Variants in ANTXR1 observed in about 807,000 individuals in gnomAD.
ANTXR1 encodes the protein anthrax toxin receptor 1.
A neutral mutation model predicts 78.1 loss-of-function variants in ANTXR1; 19 were observed. The observed-to-expected ratio is 0.24, with a 90% CI of 0.17 to 0.36. The LOEUF is 0.36. Ranked by LOEUF, ANTXR1 falls within the 10% of genes least tolerant of loss-of-function variation. The pLI, the probability that ANTXR1 is intolerant of heterozygous loss-of-function variation, is 1.00. For missense variants in ANTXR1, 518 were observed against 718.6 expected, an observed-to-expected ratio of 0.72 and a Z score of 3.19; for synonymous variants, 273 against 260.5, an observed-to-expected ratio of 1.05 and a Z score of -0.46.
intron 1 of ANTXR1, among the ~76,000 whole-genome samples, chr2:69,015,675 T>C (rs1348157916): frequency 3.3e-5 from 5 of 152,134 alleles, no homozygotes; most frequent in African/African-American, 4.8e-5. Flanking sequence ...AATATTACTG[T>C]AATCTTAGGT....
rs1669379974 is a variant in ANTXR1 at position 69,035,779 on chromosome 2, T to C, written c.153-4265T>C. On this transcript the variant is annotated intron_variant, in intron 1 of 17. Transcript: ENST00000303714. ...TGCCTTTTTGCCTCCAGTTTTGTTT[T>C]AAAGCTCTCATTTTATTTTCTTCTT... Among the ~76,000 whole-genome samples, 3 of 152,246 alleles carry C rather than the reference T, an allele frequency of 2.0e-5. No homozygotes were observed. The South Asian group carries it at 6.2e-4, about 31-fold the overall frequency.
intron 13 of ANTXR1, among the ~76,000 whole-genome samples, chr2:69,164,671 G>A (rs1673780204): frequency 6.6e-6 from 1 of 152,180 alleles, no homozygotes; most frequent in Non-Finnish European, 1.5e-5. Context: ...ATTGTTTCAG[G>A]GCTGGATCTA....
At chr2:69,171,807 C>T (rs1673993659) in intron 14 of ANTXR1, among the ~76,000 whole-genome samples, 2 of 152,152 alleles carry the variant, frequency 1.3e-5, no homozygotes, top group South Asian at 4.2e-4. Flanking sequence ...GTAAAAAAGC[C>T]CAAACTAGAA....
chr2:69,110,496 G>A (rs569363518), intron 10 of ANTXR1, among the ~76,000 whole-genome samples: 2 of 152,200 alleles, frequency 1.3e-5, no homozygotes, highest in African/African-American at 4.8e-5. Flanking sequence ...AAACAATGTT[G>A]TAGAAGAATA....
At chr2:69,071,700 T>G in intron 4 of ANTXR1, 54 bp from the exon 5 acceptor site, 2 of 1,584,804 alleles carry the variant, frequency 1.3e-6, no homozygotes, top group Non-Finnish European at 1.7e-6. Flanking sequence ...ACTATGGTTT[T>G]TGGAGTGACA....
At position 69,075,697 on chromosome 2, in the gene ANTXR1, G is replaced by A. The variant is rs189708705; in HGVS notation, c.561+39G>A. 2,654 of 1,573,220 alleles carry A rather than the reference G, an allele frequency of 1.7e-3. 5 individuals carry two copies. The highest frequency in any genetic ancestry group is 1.9e-3 in the South Asian group (169 of 90,292). On this transcript the variant is annotated intron_variant, in intron 7 of 17. Coordinates refer to ENST00000303714, the MANE Select transcript of ANTXR1 (RefSeq NM_032208.3). Reference sequence around the variant, plus strand: ...TTTCCTCAGGTTTGGAGCATACTGAGCTTGTGAATCATGAAGAACATGTTC... The same window carrying A: ...TTTCCTCAGGTTTGGAGCATACTGAACTTGTGAATCATGAAGAACATGTTC...
chr2:69,079,173 G>T (rs1477275338), intron 8 of ANTXR1, among the ~76,000 whole-genome samples: 1 of 152,122 alleles, frequency 6.6e-6, no homozygotes, highest in East Asian at 1.9e-4. Flanking sequence ...ATAGCATAGA[G>T]AATTATCAGA....
At chr2:69,124,783 C>T (rs1175762220) in intron 12 of ANTXR1, 140 bp downstream of exon 12, 2 of 838,054 alleles carry the variant, frequency 2.4e-6, no homozygotes, top group Admixed American at 2.0e-5. Context: ...GATCCCAGCA[C>T]TGCTCCACCA....
At chr2:69,147,974 A>G (rs1409759819) in intron 12 of ANTXR1, among the ~76,000 whole-genome samples, 1 of 152,238 alleles carries the variant, frequency 6.6e-6, no homozygotes, top group Non-Finnish European at 1.5e-5. Context: ...CAGGCGTTTC[A>G]AGAGTGACCT....
intron 10 of ANTXR1, among the ~76,000 whole-genome samples, chr2:69,109,518 T>G (rs1418444564): frequency 6.6e-6 from 1 of 152,238 alleles, no homozygotes; most frequent in African/African-American, 2.4e-5. Flanking sequence ...GAACTGAGCT[T>G]TGGAACAAAG....
intron 16 of ANTXR1, 71 bp from the exon 17 acceptor site, chr2:69,193,264 T>C: frequency 7.4e-7 from 1 of 1,358,096 alleles, no homozygotes; most frequent in African/African-American, 1.4e-5. Flanking sequence ...CACGGAAAGT[T>C]CTGTGAGCCT....
intron 1 of ANTXR1, among the ~76,000 whole-genome samples, chr2:69,016,398 A>C (rs1476296252): frequency 1.3e-5 from 2 of 152,190 alleles, no homozygotes; most frequent in African/African-American, 4.8e-5. Context: ...CTAAAGAAAA[A>C]AAATCCAAAT....
intron 12 of ANTXR1, among the ~76,000 whole-genome samples, chr2:69,140,139 C>G (rs1207759982): frequency 6.6e-6 from 1 of 152,202 alleles, no homozygotes; most frequent in East Asian, 1.9e-4. Flanking sequence ...ATGACTGGGT[C>G]AGGGTGACAA....
intron 4 of ANTXR1, among the ~76,000 whole-genome samples, 168 bp downstream of exon 4, chr2:69,070,896 G>T (rs1361555863): frequency 6.6e-6 from 1 of 152,142 alleles, no homozygotes; most frequent in Non-Finnish European, 1.5e-5. Context: ...CTAGCCAAAA[G>T]AACTAAAGAA....
At chr2:69,226,828 G>T (rs1055929942) in intron 17 of ANTXR1, among the ~76,000 whole-genome samples, 1 of 152,146 alleles carries the variant, frequency 6.6e-6, no homozygotes, top group African/African-American at 2.4e-5. Flanking sequence ...CTTTCCAAAA[G>T]ATTTAACATA....
intron 12 of ANTXR1, chr2:69,145,853 T>C (rs1673211142): frequency 1.0e-6 from 1 of 986,538 alleles, no homozygotes; most frequent in Non-Finnish European, 1.2e-6. Context: ...GATATTTCAC[T>C]CCCGCCCCAT....
At chr2:69,040,887 T>G (rs1053886189) in intron 2 of ANTXR1, among the ~76,000 whole-genome samples, 1 of 152,158 alleles carries the variant, frequency 6.6e-6, no homozygotes, top group Non-Finnish European at 1.5e-5. Flanking sequence ...CATAGAGTCT[T>G]CCGGTTGATA....
intron 16 of ANTXR1, among the ~76,000 whole-genome samples, chr2:69,186,173 A>T (rs1414125324): frequency 6.6e-6 from 1 of 152,170 alleles, no homozygotes; most frequent in Non-Finnish European, 1.5e-5. Flanking sequence ...ATTTTGGCAT[A>T]CTCTATCCAG....
At chr2:69,173,005 T>G (rs1348493129) in intron 14 of ANTXR1, among the ~76,000 whole-genome samples, 1 of 152,214 alleles carries the variant, frequency 6.6e-6, no homozygotes, top group Non-Finnish European at 1.5e-5. Context: ...ACGGTTTTGT[T>G]CTGCATGTAA....
Sources: allele counts gnomAD v4.1 joint callset (sites outside exome capture counted in the v4.1 genomes callset), GRCh38; gene constraint gnomAD v4.1.1; transcripts MANE v1.5; gene names NCBI Gene and HGNC (gene_info 2026-07-23, HGNC 2026-07-21).